The following PDE3A variants were observed in gnomAD, a reference collection of about 807,000 sequenced individuals.
PDE3A encodes the protein phosphodiesterase 3A, also known as cGMP-inhibited 3',5'-cyclic phosphodiesterase 3A.
In PDE3A, 43 loss-of-function variants were observed where a neutral mutation model predicts 98.3. That is an observed-to-expected ratio of 0.44 (90% confidence interval 0.34 to 0.56). The LOEUF (loss-of-function observed/expected upper bound fraction) is 0.56. Ranked by LOEUF, PDE3A falls within the 20% of genes least tolerant of loss-of-function variation. PDE3A has a pLI of 0.01. For synonymous variants in PDE3A, 663 were observed against 567.9 expected (o/e 1.17, Z -2.38); for missense variants, 1,427 against 1,440.7 (o/e 0.99, Z 0.15).
intron 1 of PDE3A, among the ~76,000 whole-genome samples, chr12:20,534,361 C>T (rs992437656): frequency 1.3e-5 from 2 of 152,130 alleles, no homozygotes; most frequent in Non-Finnish European, 2.9e-5. Flanking sequence ...TTCTGAAGTC[C>T]TTCAACCTTT....
chr12:20,555,446 G>T (rs538770840), intron 1 of PDE3A, among the ~76,000 whole-genome samples: 1 of 152,240 alleles, frequency 6.6e-6, no homozygotes, highest in South Asian at 2.1e-4. Context: ...TTAACTTTGT[G>T]TTTGGTGAAA....
At chr12:20,545,169 G>A (rs1335780379) in intron 1 of PDE3A, among the ~76,000 whole-genome samples, 1 of 151,994 alleles carries the variant, frequency 6.6e-6, no homozygotes, top group African/African-American at 2.4e-5. Flanking sequence ...TGTATTAAAT[G>A]AAAATAATGG....
chr12:20,576,476 A>C (rs977748696), intron 2 of PDE3A, among the ~76,000 whole-genome samples: 2 of 152,136 alleles, frequency 1.3e-5, no homozygotes, highest in Non-Finnish European at 2.9e-5. Flanking sequence ...TAAAGACAGT[A>C]CTATATACAA....
rs1592193950 is a variant in PDE3A at position 20,687,578 on chromosome 12, C to T, written c.*7307C>T. 1.3e-5 allele frequency among the ~76,000 whole-genome samples: 2 copies of T among 151,872 alleles called. No individual in the cohort carries two copies. Among genetic ancestry groups the T allele is most frequent in the East Asian group, 3.9e-4 (2 of 5,168 alleles). ...AGAATGCATACCATTTTTGTTCCAA[C>T]AAGAACAATCTGTTAGTTGATAAGC... On this transcript the variant is annotated 3_prime_UTR_variant, in exon 16 of 16. Coordinates refer to ENST00000359062, the MANE Select transcript of PDE3A (RefSeq NM_000921.5).
intron 2 of PDE3A, chr12:20,571,914 G>A (rs1224125921): frequency 1.8e-5 from 19 of 1,052,088 alleles, no homozygotes; most frequent in Non-Finnish European, 2.1e-5. Flanking sequence ...AGGAAATGTT[G>A]AATCAATGAA....
chr12:20,484,561 A>G (rs1010222329), intron 1 of PDE3A, among the ~76,000 whole-genome samples: 2 of 152,236 alleles, frequency 1.3e-5, no homozygotes, highest in African/African-American at 4.8e-5. Flanking sequence ...ACTGGTATCT[A>G]TTAATGGCTA....
intron 2 of PDE3A, among the ~76,000 whole-genome samples, chr12:20,568,027 T>C (rs1410425860): frequency 6.6e-6 from 1 of 151,986 alleles, no homozygotes; most frequent in African/African-American, 2.4e-5. Flanking sequence ...GTATTGCTAG[T>C]AATTCAGTGC....
In PDE3A at chr12:20,453,721, C is replaced by A. The variant is rs781155707; in HGVS notation, c.960+83477C>A. On this transcript the variant is annotated intron_variant, in intron 1 of 15. Coordinates refer to ENST00000359062, the MANE Select transcript of PDE3A (RefSeq NM_000921.5). Reference sequence around the variant, plus strand: ...CATGTTGTTGACACATTGATAATCCCATTAGATTTTTCCAGTTGCTCCGAG... The same window carrying A: ...CATGTTGTTGACACATTGATAATCCAATTAGATTTTTCCAGTTGCTCCGAG... Among the ~76,000 whole-genome samples, 38 of 152,126 alleles carry A rather than the reference C, an allele frequency of 2.5e-4. 1 individual carries two copies. The highest frequency in any genetic ancestry group is 4.4e-4 in the Non-Finnish European group (30 of 68,008).
At chr12:20,492,527 C>G (rs78193672) in intron 1 of PDE3A, among the ~76,000 whole-genome samples, 5,551 of 152,092 alleles carry the variant, frequency 0.036, 148 homozygotes, top group South Asian at 0.061. Context: ...GATGAGGCAA[C>G]CTGGGTGCCC....
intron 15 of PDE3A, among the ~76,000 whole-genome samples, chr12:20,678,359 T>A (rs1945690655): frequency 6.6e-6 from 1 of 152,162 alleles, no homozygotes; most frequent in Non-Finnish European, 1.5e-5. Flanking sequence ...ATAAGTCTGA[T>A]TACCTACTCA....
chr12:20,679,544 A>G (rs950709552), intron 15 of PDE3A, among the ~76,000 whole-genome samples: 5 of 152,168 alleles, frequency 3.3e-5, no homozygotes, highest in Middle Eastern at 3.2e-3. Flanking sequence ...CACTGCACCC[A>G]GCCTGAAATT....
At chr12:20,442,364 T>A (rs1944884106) in intron 1 of PDE3A, among the ~76,000 whole-genome samples, 1 of 151,064 alleles carries the variant, frequency 6.6e-6, no homozygotes. Flanking sequence ...TTTGTGTAGA[T>A]TGAAGGGAAG....
intron 1 of PDE3A, among the ~76,000 whole-genome samples, chr12:20,482,944 G>A (rs555592668): frequency 2.6e-5 from 4 of 152,102 alleles, no homozygotes; most frequent in African/African-American, 9.7e-5. Flanking sequence ...ACGATATGAC[G>A]TAGGAATTAG....
At chr12:20,387,305 G>A (rs1332887567) in intron 1 of PDE3A, among the ~76,000 whole-genome samples, 1 of 151,772 alleles carries the variant, frequency 6.6e-6, no homozygotes, top group Non-Finnish European at 1.5e-5. Flanking sequence ...TTCTAATTTT[G>A]TGAAGAATGT....
At chr12:20,556,364 T>A (rs1277483816) in intron 1 of PDE3A, among the ~76,000 whole-genome samples, 1 of 152,146 alleles carries the variant, frequency 6.6e-6, no homozygotes, top group Non-Finnish European at 1.5e-5. Flanking sequence ...CTTAATAATA[T>A]GCAAATAAAG....
intron 2 of PDE3A, among the ~76,000 whole-genome samples, chr12:20,610,452 T>G (rs1053244716): frequency 6.6e-6 from 1 of 151,930 alleles, no homozygotes; most frequent in African/African-American, 2.4e-5. Flanking sequence ...CTGTTAGAAA[T>G]GTAGATTGGT....
rs1565532408 is a variant in PDE3A, at chr12:20,386,049, TAAATATATATAAATATATATA to T, written c.960+15825_960+15845del. On this transcript the variant is annotated intron_variant, in intron 1 of 15. Coordinates refer to ENST00000359062, the MANE Select transcript of PDE3A (RefSeq NM_000921.5). The stretch of plus-strand genomic sequence containing the variant: ...TATATAAATATATATAAAATATATA[TAAATATATATAAATATATATA>T]AAATATATATAAATATATAAATATA... Among the ~76,000 whole-genome samples the T allele has an allele frequency of 4.7e-3, 230 of 49,246 alleles. 43 individuals carry two copies. Among genetic ancestry groups the T allele is most frequent in the African/African-American group, 0.017 (226 of 13,328 alleles). The allele number at this position is 49,246 out of a possible 152,430, so 32.3% of individuals were successfully genotyped here.
chr12:20,473,886 G>A (rs550847718), intron 1 of PDE3A, among the ~76,000 whole-genome samples: 1 of 152,128 alleles, frequency 6.6e-6, no homozygotes, highest in African/African-American at 2.4e-5. Context: ...TTCTAGTATT[G>A]ATGGGTTTTT....
intron 2 of PDE3A, among the ~76,000 whole-genome samples, chr12:20,570,873 C>T (rs1446314428): frequency 1.3e-5 from 2 of 152,198 alleles, no homozygotes; most frequent in Admixed American, 6.5e-5. Context: ...GTCAGCTCCC[C>T]TTGAGGAGCT....
Sources: gnomAD v4.1 joint callset for allele counts (sites outside exome capture counted in the v4.1 genomes callset) on GRCh38, gnomAD v4.1.1 for gene constraint, MANE v1.5 for transcripts, NCBI Gene and HGNC (gene_info 2026-07-23, HGNC 2026-07-21) for gene names.